The following LMBR1 variants were observed in gnomAD, a reference collection of about 807,000 sequenced individuals.
The protein encoded by LMBR1 is limb development membrane protein 1, also known as limb region 1 protein homolog.
In LMBR1, 52 loss-of-function variants were observed where a neutral mutation model predicts 73.9. That is an observed-to-expected ratio of 0.70 (90% CI 0.56 to 0.89). The LOEUF is 0.89. LMBR1 is among the 40% of genes least tolerant of loss of function. The pLI is 0.00. For synonymous variants in LMBR1, 215 were observed against 209.4 expected (o/e 1.03, Z -0.23); for missense variants, 539 against 579.8 (o/e 0.93, Z 0.72).
At chr7:156,715,547 T>C (rs1813026734) in intron 15 of LMBR1, among the ~76,000 whole-genome samples, 2 of 152,348 alleles carry the variant, frequency 1.3e-5, no homozygotes, top group Non-Finnish European at 1.5e-5. Context: ...AGTTCAGTGA[T>C]AGGAAGTATA....
At position 156,670,271 on chromosome 7, in the gene LMBR1, G is replaced by A. The variant is rs1400111334; in HGVS notation, n.867-984C>T. 6.6e-6 allele frequency among the ~76,000 whole-genome samples: 1 copy of A among 152,156 alleles called. No homozygotes were observed. The highest frequency in any genetic ancestry group is 6.5e-5 in the Admixed American group (1 of 15,284). On this transcript the variant is annotated intron_variant and non_coding_transcript_variant, in intron 4 of 4. Transcript: ENST00000430825. This position sits in a 1 kb window ranked among gnomAD's most constrained non-coding sequence, Gnocchi z 4.3. ...TAAGCACGGCTGGCTCTACTGTTTT[G>A]ACTTTGGCTCTTGATACACACACAT... is the stretch of plus-strand genomic sequence containing the variant.
At chr7:156,887,982 TA>T (rs565550511) in intron 1 of LMBR1, among the ~76,000 whole-genome samples, 25 of 152,096 alleles carry the variant, frequency 1.6e-4, no homozygotes, top group Non-Finnish European at 3.2e-4. Flanking sequence ...ACATCCATTT[TA>T]AAAAAAAGAA....
chr7:156,699,404 T>A (rs1281471238), intron 15 of LMBR1, among the ~76,000 whole-genome samples: 2 of 151,618 alleles, frequency 1.3e-5, no homozygotes, highest in Non-Finnish European at 1.5e-5. Context: ...AAAAATTAAT[T>A]CAAGATGGAT....
intron 4 of LMBR1, among the ~76,000 whole-genome samples, chr7:156,798,722 G>T (rs997654602): frequency 9.9e-5 from 15 of 152,220 alleles, no homozygotes; most frequent in Admixed American, 7.9e-4. Context: ...TAGTAGGCTA[G>T]AGAACCATGG....
intron 4 of LMBR1, among the ~76,000 whole-genome samples, chr7:156,813,962 A>G (rs1032544677): frequency 2.0e-5 from 3 of 152,204 alleles, no homozygotes; most frequent in African/African-American, 4.8e-5. Context: ...ATTTATTTCA[A>G]TACTTAAGCA....
At chr7:156,858,693 T>G (rs1296601862) in intron 1 of LMBR1, among the ~76,000 whole-genome samples, 1 of 152,106 alleles carries the variant, frequency 6.6e-6, no homozygotes, top group Non-Finnish European at 1.5e-5. Context: ...TCCAACAGTA[T>G]ATAAAAAGAA....
intron 9 of LMBR1, among the ~76,000 whole-genome samples, chr7:156,750,297 C>T (rs1166978587): frequency 3.3e-5 from 5 of 150,186 alleles, no homozygotes; most frequent in South Asian, 2.1e-4. Context: ...TGTGTGTGTA[C>T]GTGTGTGTGT....
At chr7:156,773,899 A>G (rs1346219240) in intron 5 of LMBR1, among the ~76,000 whole-genome samples, 1 of 152,112 alleles carries the variant, frequency 6.6e-6, no homozygotes, top group African/African-American at 2.4e-5. Context: ...AAACAAGCAA[A>G]CAAACAAACA....
intron 15 of LMBR1, among the ~76,000 whole-genome samples, chr7:156,713,223 G>C (rs1183715565): frequency 1.3e-5 from 2 of 152,148 alleles, no homozygotes; most frequent in Non-Finnish European, 2.9e-5. Context: ...ATTAGTGGCT[G>C]CCGGGGGTGA....
At chr7:156,826,152 A>C (rs1396320014) in intron 4 of LMBR1, among the ~76,000 whole-genome samples, 1 of 151,852 alleles carries the variant, frequency 6.6e-6, no homozygotes, top group African/African-American at 2.4e-5. Context: ...GCTAATTTTT[A>C]TATTTTTAGT....
chr7:156,890,138 C>G (rs1238061756), intron 1 of LMBR1, among the ~76,000 whole-genome samples: 1 of 152,036 alleles, frequency 6.6e-6, no homozygotes, highest in Non-Finnish European at 1.5e-5. Flanking sequence ...TTGGACATTC[C>G]TGTGGGAGAA....
intron 10 of LMBR1, among the ~76,000 whole-genome samples, chr7:156,732,682 T>A (rs547400795): frequency 2.0e-5 from 3 of 152,164 alleles, no homozygotes; most frequent in Non-Finnish European, 4.4e-5. Flanking sequence ...TCACAGGACA[T>A]TGGATAGAAT....
intron 2 of LMBR1, among the ~76,000 whole-genome samples, chr7:156,835,479 G>C (rs896326810): frequency 1.3e-5 from 2 of 152,178 alleles, no homozygotes; most frequent in Non-Finnish European, 2.9e-5. Context: ...CAGATTATCT[G>C]AGGTCAGGAG....
chr7:156,874,144 C>T (rs964517821), intron 1 of LMBR1, among the ~76,000 whole-genome samples: 2 of 152,242 alleles, frequency 1.3e-5, no homozygotes. Flanking sequence ...TCCCGAGCCC[C>T]ACCCGCGGGA....
At chr7:156,871,451 G>A (rs895494990) in intron 1 of LMBR1, among the ~76,000 whole-genome samples, 1 of 152,152 alleles carries the variant, frequency 6.6e-6, no homozygotes, top group African/African-American at 2.4e-5. Context: ...TACAAAGCCA[G>A]CATTTCCCTG....
intron 11 of LMBR1, among the ~76,000 whole-genome samples, chr7:156,728,249 G>A (rs1318995373): frequency 1.3e-5 from 2 of 152,290 alleles, no homozygotes; most frequent in Admixed American, 6.5e-5. Context: ...CTTTTACTAA[G>A]TGATCTCACC....
At chr7:156,833,005 T>C (rs1836963391) in intron 3 of LMBR1, among the ~76,000 whole-genome samples, 1 of 152,216 alleles carries the variant, frequency 6.6e-6, no homozygotes, top group Non-Finnish European at 1.5e-5. Context: ...TCTATGCTAA[T>C]TTCACTATTT....
chr7:156,768,615 C>T (rs1047802904), intron 5 of LMBR1, among the ~76,000 whole-genome samples: 1 of 152,166 alleles, frequency 6.6e-6, no homozygotes, highest in African/African-American at 2.4e-5. Context: ...GGTTTGGCTT[C>T]AGCAGTGGAT....
chr7:156,892,971 G>A lies in LMBR1; in HGVS notation c.23C>T (p.Ser8Leu), dbSNP rs776745429. 8 of 1,542,430 alleles carry A rather than the reference G, an allele frequency of 5.2e-6. No individual in the cohort carries two copies. Among genetic ancestry groups the A allele is most frequent in the Non-Finnish European group, 6.9e-6 (8 of 1,151,804 alleles). The change falls in exon 1 of 17, where the codon TCG becomes TTG. Residue 8 changes from serine to leucine, a missense_variant. Physicochemically the swap from Ser to Leu is moderately radical, Grantham distance 145. Around this residue, in one of 3 missense-constraint regions of LMBR1, gnomAD observed 454 missense variants for 473.4 expected, o/e 0.96. Transcript: ENST00000353442. MEGQDEVSAREQHFHSQV... is the reference protein window; with the variant it reads MEGQDEVLAREQHFHSQV... Reference sequence around the variant, plus strand: ...GCTGTGGAAGTGCTGCTCCCGCGCCGACACCTCGTCCTGCCCTTCCATCCT... The same window carrying A: ...GCTGTGGAAGTGCTGCTCCCGCGCCAACACCTCGTCCTGCCCTTCCATCCT...
Sources: allele counts gnomAD v4.1 joint callset (sites outside exome capture counted in the v4.1 genomes callset), GRCh38; gene constraint gnomAD v4.1.1; regional missense constraint gnomAD v4.1.1; non-coding constraint Gnocchi (gnomAD v3.1); transcripts MANE v1.5; gene names NCBI Gene and HGNC (gene_info 2026-07-23, HGNC 2026-07-21).